Variants in STK32B observed in about 807,000 individuals in gnomAD.
STK32B encodes the protein serine/threonine kinase 32B.
In STK32B, 43 loss-of-function variants were observed where a neutral mutation model predicts 52.6. That is an observed-to-expected ratio of 0.82 (90% confidence interval 0.64 to 1.05). The LOEUF is 1.05. Ranked by LOEUF, STK32B falls within the 50% of genes least tolerant of loss-of-function variation. The pLI is 0.00. For synonymous variants in STK32B, 238 were observed against 204.3 expected (o/e 1.17, Z -1.41); for missense variants, 621 against 534.6 (o/e 1.16, Z -1.59).
intron 1 of STK32B, among the ~76,000 whole-genome samples, chr4:5,130,483 A>G (rs1715692507): frequency 6.6e-6 from 1 of 152,070 alleles, no homozygotes; most frequent in Non-Finnish European, 1.5e-5. Context: ...AGGTAGGCAA[A>G]AGGCAAAGAA....
intron 2 of STK32B, among the ~76,000 whole-genome samples, chr4:5,166,709 T>C (rs1475795552): frequency 6.6e-6 from 1 of 151,872 alleles, no homozygotes; most frequent in Non-Finnish European, 1.5e-5. Context: ...ACCTTGGTTT[T>C]GGACTCCCAG....
At chr4:5,414,983 C>A (rs1427821702) in intron 5 of STK32B, among the ~76,000 whole-genome samples, 2 of 152,360 alleles carry the variant, frequency 1.3e-5, no homozygotes, top group Non-Finnish European at 2.9e-5. Context: ...ATGTGTCACT[C>A]TGTTTGGAAC....
At chr4:5,443,118 A>G (rs868374771) in intron 6 of STK32B, among the ~76,000 whole-genome samples, 29 of 150,852 alleles carry the variant, frequency 1.9e-4, no homozygotes, top group Admixed American at 9.3e-4. Flanking sequence ...TCTTGGTGGC[A>G]TTCTCTGTAT....
At chr4:5,186,866 G>A (rs543392385) in intron 3 of STK32B, among the ~76,000 whole-genome samples, 3 of 152,332 alleles carry the variant, frequency 2.0e-5, no homozygotes, top group Non-Finnish European at 4.4e-5. Flanking sequence ...GATACCAGGT[G>A]TGTAATGTTT....
chr4:5,087,262 T>C (rs146524941), intron 1 of STK32B, among the ~76,000 whole-genome samples: 75 of 152,064 alleles, frequency 4.9e-4, no homozygotes, highest in Middle Eastern at 3.7e-3. Context: ...GAGATGCTAA[T>C]TATAATACCC....
intron 4 of STK32B, among the ~76,000 whole-genome samples, chr4:5,369,674 A>G (rs1193245840): frequency 2.0e-5 from 3 of 152,060 alleles, no homozygotes; most frequent in Admixed American, 6.5e-5. Flanking sequence ...TGGTCTTTGT[A>G]TTAATACATG....
intron 6 of STK32B, among the ~76,000 whole-genome samples, chr4:5,441,338 G>A (rs1328936115): frequency 6.6e-6 from 1 of 151,432 alleles, no homozygotes. Context: ...TCTTGGGAGA[G>A]TGTATGTGTC....
Position 5,324,767 on chromosome 4 carries a change from G to T in STK32B, c.261-6453G>T, listed in dbSNP as rs540639096. On this transcript the variant is annotated intron_variant, in intron 3 of 11. Transcript: ENST00000282908. ...AGTGATGGACAAGAGGACAGAGGTG[G>T]TACACCAGGAATAAGGAATATTGTG... Among the ~76,000 whole-genome samples the T allele has an allele frequency of 2.6e-5, 4 of 152,212 alleles. No individual in the cohort carries two copies. In the South Asian group the frequency reaches 8.3e-4, roughly 32 times the overall value.
chr4:5,449,186 C>G (rs1470422201), intron 7 of STK32B, among the ~76,000 whole-genome samples: 1 of 152,072 alleles, frequency 6.6e-6, no homozygotes, highest in Non-Finnish European at 1.5e-5. Flanking sequence ...ACTAAAAATA[C>G]AAAAAAATTA....
intron 3 of STK32B, among the ~76,000 whole-genome samples, chr4:5,177,000 C>T (rs556199570): frequency 2.0e-4 from 30 of 152,158 alleles, no homozygotes; most frequent in African/African-American, 4.6e-4. Flanking sequence ...CCTTGTTTAC[C>T]GCTAGGAGTG....
chr4:5,247,738 A>G lies in STK32B; in HGVS notation c.260+79288A>G, dbSNP rs77467610. On this transcript the variant is annotated intron_variant, in intron 3 of 11. Transcript: ENST00000282908. ...TCCACCCCTTTGATTATAAATTCTT[A>G]GGGAAGCCTTTTTTTCTTCCACCCA... 3.0e-3 allele frequency among the ~76,000 whole-genome samples: 453 copies of G among 152,220 alleles called. 4 individuals carry two copies. Among genetic ancestry groups the G allele is most frequent in the African/African-American group, 8.3e-3 (343 of 41,560 alleles).
At chr4:5,061,655 T>C (rs1333958977) in intron 1 of STK32B, among the ~76,000 whole-genome samples, 5 of 152,240 alleles carry the variant, frequency 3.3e-5, no homozygotes, top group Admixed American at 6.5e-5. Flanking sequence ...GGAATCATGC[T>C]TCATCTTAAA....
intron 6 of STK32B, among the ~76,000 whole-genome samples, chr4:5,422,982 G>A (rs542083826): frequency 6.6e-6 from 1 of 152,176 alleles, no homozygotes; most frequent in Non-Finnish European, 1.5e-5. Flanking sequence ...TGTGAAGGGA[G>A]AACTTGGCAG....
intron 1 of STK32B, among the ~76,000 whole-genome samples, chr4:5,109,967 A>G (rs921441046): frequency 3.3e-5 from 5 of 152,076 alleles, no homozygotes; most frequent in African/African-American, 7.2e-5. Context: ...ATTTCTGTAT[A>G]TCAATAACAT....
At chr4:5,397,764 G>T (rs755377937) in intron 4 of STK32B, among the ~76,000 whole-genome samples, 1 of 152,196 alleles carries the variant, frequency 6.6e-6, no homozygotes, top group South Asian at 2.1e-4. Context: ...GCCAAGAGCC[G>T]TAGTTTGCCC....
intron 4 of STK32B, among the ~76,000 whole-genome samples, chr4:5,371,871 T>C (rs1468771251): frequency 1.3e-5 from 2 of 152,152 alleles, no homozygotes; most frequent in East Asian, 3.9e-4. Context: ...TTTTCCCAAT[T>C]CAGACAAAAG....
intron 3 of STK32B, among the ~76,000 whole-genome samples, chr4:5,293,620 C>G (rs1409628818): frequency 6.6e-6 from 1 of 152,120 alleles, no homozygotes; most frequent in Non-Finnish European, 1.5e-5. Flanking sequence ...CCTTTGCCCA[C>G]TTTTTGATGG....
At chr4:5,310,461 G>A (rs1332182480) in intron 3 of STK32B, among the ~76,000 whole-genome samples, 1 of 152,068 alleles carries the variant, frequency 6.6e-6, no homozygotes, top group African/African-American at 2.4e-5. Context: ...AATCATTAGG[G>A]AAATGTAAAT....
intron 1 of STK32B, among the ~76,000 whole-genome samples, chr4:5,068,549 T>G (rs1340029174): frequency 1.3e-5 from 2 of 152,132 alleles, no homozygotes; most frequent in Admixed American, 6.6e-5. Flanking sequence ...GTGACATAAT[T>G]GTGGTGCTTG....
Sources: gnomAD v4.1 joint callset for allele counts (sites outside exome capture counted in the v4.1 genomes callset) on GRCh38, gnomAD v4.1.1 for gene constraint, MANE v1.5 for transcripts, NCBI Gene and HGNC (gene_info 2026-07-23, HGNC 2026-07-21) for gene names.